The following AKAP12 variants were observed in gnomAD, a reference collection of about 807,000 sequenced individuals.
AKAP12 encodes A-kinase anchor protein 12.
In AKAP12, 32 loss-of-function variants were observed where a neutral mutation model predicts 79.9. The ratio of observed to expected loss-of-function variants is 0.40; its 90% CI spans 0.30 to 0.54. AKAP12 has a LOEUF of 0.54. AKAP12 is among the 20% of genes least tolerant of loss of function. AKAP12 has a pLI of 0.48. For synonymous variants in AKAP12, 808 were observed against 857.0 expected (o/e 0.94, Z 1.00); for missense variants, 2,074 against 2,177.0 (o/e 0.95, Z 0.94).
At chr6:151,261,137 C>A (rs1005155339) in intron 2 of AKAP12, among the ~76,000 whole-genome samples, 4 of 152,026 alleles carry the variant, frequency 2.6e-5, no homozygotes, top group African/African-American at 4.8e-5. Context: ...CTTGTAATCC[C>A]AGCACTCTGG....
chr6:151,283,564 C>T (rs139786332), intron 2 of AKAP12, among the ~76,000 whole-genome samples: 21 of 152,282 alleles, frequency 1.4e-4, no homozygotes, highest in South Asian at 6.2e-4. Context: ...CTGTCCTACG[C>T]GCTTGGTACA....
Position 151,348,730 on chromosome 6 carries a change from A to C in AKAP12, c.339A>C (p.Glu113Asp). Residue 113 changes from glutamate (E) to aspartate (D), a missense_variant, in exon 4 of 5, where the codon GAA (glutamate) becomes GAC (aspartate). Physicochemically the swap from Glu to Asp is conservative, Grantham distance 45 (BLOSUM62 2). Around this residue, in one of 3 missense-constraint regions of AKAP12, gnomAD observed 1,428 missense variants for 1,451.0 expected, o/e 0.98. Transcript: ENST00000402676. ...TAATAGTTGGACAGAGAGACTCTGA[A>C]GATGTGAGCAAAAGAGACTCCGATA... ...IVTEVGQRDS[E>D]DVSKRDSDKE... The C allele has an allele frequency of 7.0e-7, 1 of 1,432,142 alleles. No homozygotes were observed. Among genetic ancestry groups the C allele is most frequent in the Non-Finnish European group, 9.3e-7 (1 of 1,071,380 alleles). The allele number at this position is 1,432,142 out of a possible 1,614,324, so 88.7% of individuals were successfully genotyped here. A position where few individuals can be genotyped will look rare whatever the true frequency, so the allele number is the denominator to read the frequency against.
At position 151,255,520 on chromosome 6, in the gene AKAP12, A is replaced by G. The variant is rs543980132; in HGVS notation, c.162+14796A>G. On this transcript the variant is annotated intron_variant, in intron 2 of 4. Coordinates refer to ENST00000402676, the MANE Select transcript of AKAP12 (RefSeq NM_005100.4). ...CCTGGAATAAAAATTGTTTAGAGTC[A>G]GGCGTAGTGGCTCATGCCTGTAATC... Among the ~76,000 whole-genome samples the G allele has an allele frequency of 2.2e-3, 331 of 151,988 alleles. 1 individual carries two copies. The highest frequency in any genetic ancestry group is 7.5e-3 in the African/African-American group (312 of 41,498).
At chr6:151,321,858 C>A (rs1777395879) in intron 3 of AKAP12, among the ~76,000 whole-genome samples, 1 of 151,848 alleles carries the variant, frequency 6.6e-6, no homozygotes, top group Non-Finnish European at 1.5e-5. Flanking sequence ...TTCCTTGCCC[C>A]CCGCCACCTG....
At chr6:151,334,220 T>A (rs1234798267) in intron 3 of AKAP12, among the ~76,000 whole-genome samples, 2 of 152,210 alleles carry the variant, frequency 1.3e-5, no homozygotes, top group Non-Finnish European at 2.9e-5. Flanking sequence ...TGTGCTCCTT[T>A]TCTCCCCTTG....
At chr6:151,268,362 A>G (rs1776098887) in intron 2 of AKAP12, among the ~76,000 whole-genome samples, 1 of 152,158 alleles carries the variant, frequency 6.6e-6, no homozygotes, top group African/African-American at 2.4e-5. Flanking sequence ...GGTTGCGGTG[A>G]GCTGAGATCA....
intron 3 of AKAP12, chr6:151,325,771 CCTG>C: frequency 6.2e-7 from 1 of 1,608,244 alleles, no homozygotes. Flanking sequence ...GCCGAAACCA[CCTG>C]CGGTTGGCAG....
In AKAP12 at chr6:151,248,986, C is replaced by CA. The variant is rs34092565; in HGVS notation, c.162+8274dup. Among the ~76,000 whole-genome samples the CA allele has an allele frequency of 9.6e-3, 1,285 of 133,292 alleles. 11 individuals are homozygous for CA. Among genetic ancestry groups the CA allele is most frequent in the African/African-American group, 0.029 (1,050 of 36,418 alleles). 87.4% of individuals were successfully genotyped at this position (133,292 alleles called of 152,430 possible). A position where few individuals can be genotyped will look rare whatever the true frequency, so the allele number is the denominator to read the frequency against. On this transcript the variant is annotated intron_variant, in intron 2 of 4. Transcript: ENST00000402676. ...TGGGCGACAGAGCAAGACTCTGTCT[C>CA]AAAAAAAAAAAAGTGGATTGCTAAC... is the stretch of plus-strand genomic sequence containing the variant.
intron 3 of AKAP12, among the ~76,000 whole-genome samples, chr6:151,333,753 A>T (rs919374735): frequency 6.6e-6 from 1 of 151,582 alleles, no homozygotes; most frequent in Non-Finnish European, 1.5e-5. Flanking sequence ...AAAAAAAAAA[A>T]AAATGAAAGG....
chr6:151,342,033 T>C (rs1266010336), intron 3 of AKAP12, among the ~76,000 whole-genome samples: 1 of 152,178 alleles, frequency 6.6e-6, no homozygotes, highest in East Asian at 1.9e-4. Flanking sequence ...CCGAAGACTC[T>C]GGCTTGAAAG....
At chr6:151,256,606 A>T (rs866352072) in intron 2 of AKAP12, among the ~76,000 whole-genome samples, 2 of 151,600 alleles carry the variant, frequency 1.3e-5, no homozygotes, top group Admixed American at 6.6e-5. Flanking sequence ...TTTTTTATAT[A>T]TGTGTGTGTG....
At chr6:151,332,903 C>T (rs562372905) in intron 3 of AKAP12, among the ~76,000 whole-genome samples, 37 of 152,274 alleles carry the variant, frequency 2.4e-4, no homozygotes, top group African/African-American at 7.9e-4. Flanking sequence ...GCTTTCTGGG[C>T]ATGGGAGAGA....
At chr6:151,312,651 GC>G (rs1777132402) in intron 3 of AKAP12, among the ~76,000 whole-genome samples, 1 of 152,072 alleles carries the variant, frequency 6.6e-6, no homozygotes, top group Admixed American at 6.5e-5. Flanking sequence ...AATTAGCCGG[GC>G]GTGGTGGCGG....
Position 151,352,923 on chromosome 6 carries a change from A to C in AKAP12, c.4532A>C (p.Lys1511Thr). ...GAGAAAACCACATCACTGAAGTGGA[A>C]GTCAGATGAAGTCGATGAGCAGGTT... is the stretch of plus-strand genomic sequence containing the variant. ...EGEKTTSLKW[K>T]SDEVDEQVAC... The change falls in exon 4 of 5, where the codon AAG becomes ACG. Residue 1511 changes from lysine to threonine, a missense_variant. Physicochemically the swap from Lys to Thr is moderately conservative, Grantham distance 78. Transcript: ENST00000402676. The C allele has an allele frequency of 6.2e-7, 1 of 1,614,120 alleles. No individual in the cohort carries two copies. Among genetic ancestry groups the C allele is most frequent in the Non-Finnish European group, 8.5e-7 (1 of 1,180,026 alleles).
chr6:151,351,887 C>T lies in AKAP12; in HGVS notation c.3496C>T (p.Pro1166Ser). 1 of 1,614,062 alleles carries T rather than the reference C, an allele frequency of 6.2e-7. No individual in the cohort carries two copies. Among genetic ancestry groups the T allele is most frequent in the Non-Finnish European group, 8.5e-7 (1 of 1,180,004 alleles). The change falls in exon 4 of 5, where the codon CCT (proline) becomes TCT (serine). Residue 1166 changes from proline (P) to serine (S), a missense_variant. Physicochemically the swap from Pro to Ser is moderately conservative, Grantham distance 74. Around this residue, in one of 3 missense-constraint regions of AKAP12, gnomAD observed 1,428 missense variants for 1,451.0 expected, o/e 0.98. Coordinates refer to ENST00000402676, the MANE Select transcript of AKAP12 (RefSeq NM_005100.4). The surrounding 1 kb of genome is among the most constrained non-coding windows in gnomAD (Gnocchi z 4.4). ...TATCCCCCCTGACTCGGTGGAAACC[C>T]CTACAGACAGTGAGACTGATGGAAG... ...QAIPPDSVETPTDSETDGSTP... is the reference protein window; with the variant it reads ...QAIPPDSVETSTDSETDGSTP...
intron 3 of AKAP12, among the ~76,000 whole-genome samples, chr6:151,333,425 C>T (rs1207117503): frequency 6.6e-6 from 1 of 152,284 alleles, no homozygotes; most frequent in African/African-American, 2.4e-5. Context: ...GTCTTTAACT[C>T]ATTCACAACC....
intron 1 of AKAP12, 84 bp from the exon 2 acceptor site, chr6:151,240,300 C>T: frequency 2.9e-6 from 1 of 348,348 alleles, no homozygotes; most frequent in Non-Finnish European, 5.1e-6. Context: ...GGGCTGTGCT[C>T]ATGTGATGAA....
rs1029754427 is a variant in AKAP12 at position 151,240,371 on chromosome 6, C to G, written c.-179-13C>G. 9.8e-5 allele frequency: 47 copies of G among 481,970 alleles called. No individual in the cohort carries two copies. Among genetic ancestry groups the G allele is most frequent in the African/African-American group, 9.0e-4 (44 of 48,752 alleles). 29.9% of individuals were successfully genotyped at this position (481,970 alleles called of 1,614,324 possible). A position where few individuals can be genotyped will look rare whatever the true frequency, so the allele number is the denominator to read the frequency against. Reference sequence around the variant, plus strand: ...AAGAGGTGGCCTTTTTTTTTTTTTCCTTTTCTTTTAAGGAGTTTGCCGCGA... The same window carrying G: ...AAGAGGTGGCCTTTTTTTTTTTTTCGTTTTCTTTTAAGGAGTTTGCCGCGA... On this transcript the variant is annotated splice_polypyrimidine_tract_variant and intron_variant, in intron 1 of 4. Transcript: ENST00000402676.
intron 3 of AKAP12, among the ~76,000 whole-genome samples, chr6:151,336,137 A>G (rs1363235908): frequency 6.6e-6 from 1 of 152,160 alleles, no homozygotes; most frequent in South Asian, 2.1e-4. Flanking sequence ...CATGGTGTAT[A>G]TGGACCACAT....
Sources: allele counts gnomAD v4.1 joint callset (sites outside exome capture counted in the v4.1 genomes callset), GRCh38; gene constraint gnomAD v4.1.1; regional missense constraint gnomAD v4.1.1; non-coding constraint Gnocchi (gnomAD v3.1); transcripts MANE v1.5; gene names NCBI Gene and HGNC (gene_info 2026-07-23, HGNC 2026-07-21).